The following ANO3 variants were observed in gnomAD, a reference collection of about 807,000 sequenced individuals.
The protein encoded by ANO3 is anoctamin 3.
Under a neutral mutation model 144.8 loss-of-function variants are expected in ANO3, and 99 were observed. That is an observed-to-expected ratio of 0.68 (90% confidence interval 0.58 to 0.81). ANO3 has a LOEUF of 0.81. Ranked by LOEUF, ANO3 falls within the 30% of genes least tolerant of loss-of-function variation. ANO3 has a pLI of 0.00. For synonymous variants in ANO3, 414 were observed against 392.6 expected, an observed-to-expected ratio of 1.05 and a Z score of -0.64; for missense variants, 905 against 1,202.2, an observed-to-expected ratio of 0.75 and a Z score of 3.66.
intron 14 of ANO3, among the ~76,000 whole-genome samples, chr11:26,588,961 G>T (rs1161055131): frequency 6.6e-6 from 1 of 152,094 alleles, no homozygotes; most frequent in Non-Finnish European, 1.5e-5. Flanking sequence ...ATAATTTTCG[G>T]CTGTTTTGCC....
At chr11:26,553,792 C>G (rs1462285531) in intron 13 of ANO3, among the ~76,000 whole-genome samples, 9 of 152,104 alleles carry the variant, frequency 5.9e-5, no homozygotes, top group Admixed American at 5.9e-4. Context: ...AAGCTCAGAT[C>G]AACCCCAGAA....
Position 26,531,257 on chromosome 11 carries a change from G to T in ANO3, c.790G>T (p.Val264Phe). The T allele has an allele frequency of 1.9e-6, 3 of 1,613,986 alleles. No individual in the cohort carries two copies. Among genetic ancestry groups the T allele is most frequent in the Non-Finnish European group, 2.5e-6 (3 of 1,179,968 alleles). The change falls in exon 8 of 27, where the codon GTT (valine) becomes TTT (phenylalanine). Residue 264 changes from valine to phenylalanine, a missense_variant. Val to Phe is a conservative substitution (Grantham distance 50, BLOSUM62 -1). Transcript: ENST00000256737. ...AAACTGGATGGCCCAAAACCCAATG[G>T]TTCTTGACAAGTCAGCTTTTCCAGA... ...IKNWMAQNPM[V>F]LDKSAFPDLE...
At chr11:26,473,295 T>C (rs887055238) in intron 4 of ANO3, among the ~76,000 whole-genome samples, 15 of 151,956 alleles carry the variant, frequency 9.9e-5, no homozygotes, top group African/African-American at 3.6e-4. Context: ...AATCCTCTGT[T>C]GCATCTCTTA....
chr11:26,365,292 T>C (rs1403657240), intron 1 of ANO3, among the ~76,000 whole-genome samples: 1 of 152,216 alleles, frequency 6.6e-6, no homozygotes, highest in East Asian at 1.9e-4. Flanking sequence ...CTCTCATAGG[T>C]TGTTGAGTGC....
intron 4 of ANO3, among the ~76,000 whole-genome samples, chr11:26,488,040 C>A (rs1426137265): frequency 6.6e-6 from 1 of 152,054 alleles, no homozygotes; most frequent in Non-Finnish European, 1.5e-5. Context: ...GTGGCACACA[C>A]CTGTAGTCCC....
chr11:26,422,688 T>C (rs1201031193), intron 1 of ANO3, among the ~76,000 whole-genome samples: 1 of 151,890 alleles, frequency 6.6e-6, no homozygotes, highest in Non-Finnish European at 1.5e-5. Context: ...CTGATACTAG[T>C]CAAGAATACC....
chr11:26,335,668 C>T (rs747702976), intron 1 of ANO3, among the ~76,000 whole-genome samples: 1 of 152,098 alleles, frequency 6.6e-6, no homozygotes, highest in East Asian at 1.9e-4. Flanking sequence ...GCTTTTGCTG[C>T]GTGTATGCCA....
Position 26,531,125 on chromosome 11 carries a change from A to T in ANO3, c.738-80A>T. 4.7e-6 allele frequency: 7 copies of T among 1,500,458 alleles called. No individual in the cohort carries two copies. In the Admixed American group the frequency reaches 1.1e-4, roughly 23 times the overall value. The allele number at this position is 1,500,458 out of a possible 1,614,324, so 92.9% of individuals were successfully genotyped here. On this transcript the variant is annotated intron_variant, in intron 7 of 26. Transcript: ENST00000256737. ...CTCTTTTCAAAGAAGTTTCTTTAGT[A>T]CTTAAGTGAATTGTAGTGGAAGGTA...
intron 1 of ANO3, among the ~76,000 whole-genome samples, chr11:26,239,052 TATTA>T (rs1412904816): frequency 2.0e-5 from 3 of 149,762 alleles, no homozygotes; most frequent in African/African-American, 4.9e-5. Flanking sequence ...TTAATATTTA[TATTA>T]ATTATAATTT....
intron 1 of ANO3, among the ~76,000 whole-genome samples, chr11:26,203,746 C>T (rs984280345): frequency 2.6e-5 from 4 of 152,130 alleles, no homozygotes; most frequent in African/African-American, 9.7e-5. Flanking sequence ...AATCTTGCAT[C>T]TACTGTTTGT....
intron 1 of ANO3, among the ~76,000 whole-genome samples, chr11:26,194,444 G>GTGTGTGTGTA (rs1554920713): frequency 4.6e-4 from 42 of 92,304 alleles, no homozygotes; most frequent in East Asian, 2.7e-3. Flanking sequence ...ATAGTGGTGT[G>GTGTGTGTGTA]TGTGTGTGTG....
At chr11:26,639,564 A>G (rs1351096330) in intron 21 of ANO3, among the ~76,000 whole-genome samples, 1 of 152,192 alleles carries the variant, frequency 6.6e-6, no homozygotes, top group East Asian at 1.9e-4. Flanking sequence ...TTGTATATAT[A>G]AAAATAATTT....
At chr11:26,635,231 G>A (rs1307196387) in intron 20 of ANO3, among the ~76,000 whole-genome samples, 161 bp downstream of exon 20, 3 of 152,064 alleles carry the variant, frequency 2.0e-5, no homozygotes, top group African/African-American at 7.2e-5. Flanking sequence ...TCAAAAAAGG[G>A]GGTGAACTGA....
chr11:26,346,184 T>C (rs921961725), intron 1 of ANO3, among the ~76,000 whole-genome samples: 3 of 152,192 alleles, frequency 2.0e-5, no homozygotes, highest in African/African-American at 7.2e-5. Context: ...ATGGAAAACA[T>C]GGGATAAAAT....
intron 1 of ANO3, among the ~76,000 whole-genome samples, chr11:26,314,583 T>TC (rs1410895378): frequency 6.6e-6 from 1 of 152,068 alleles, no homozygotes; most frequent in African/African-American, 2.4e-5. Flanking sequence ...CAGCCAACCT[T>TC]CCCCTCCTTC....
At chr11:26,450,294 T>G (rs1182271249) in intron 3 of ANO3, among the ~76,000 whole-genome samples, 1 of 152,140 alleles carries the variant, frequency 6.6e-6, no homozygotes, top group East Asian at 1.9e-4. Flanking sequence ...ACTAGCACAC[T>G]GACACAATGG....
At chr11:26,647,091 T>C (rs1214465832) in intron 23 of ANO3, among the ~76,000 whole-genome samples, 1 of 152,146 alleles carries the variant, frequency 6.6e-6, no homozygotes, top group Admixed American at 6.5e-5. Context: ...CTAAGTTTAA[T>C]CCCACTGAAA....
At chr11:26,340,574 C>A (rs1037656680) in intron 1 of ANO3, among the ~76,000 whole-genome samples, 2 of 152,026 alleles carry the variant, frequency 1.3e-5, no homozygotes, top group Non-Finnish European at 1.5e-5. Flanking sequence ...AAAGATGCAC[C>A]CTAGGAGAGT....
In ANO3 at chr11:26,530,214, T is replaced by C. The variant is rs551254264; in HGVS notation, c.738-991T>C. On this transcript the variant is annotated intron_variant, in intron 7 of 26. Coordinates refer to ENST00000256737, the MANE Select transcript of ANO3 (RefSeq NM_031418.4). ...AGCAAAGTCAGCATTACTTTTATTT[T>C]ATGTGTGAGGAAACCAAGGCAAGAA... 2.6e-5 allele frequency among the ~76,000 whole-genome samples: 4 copies of C among 152,298 alleles called. No homozygotes were observed. In the South Asian group the frequency reaches 8.3e-4, roughly 32 times the overall value.
Sources: gnomAD v4.1 joint callset for allele counts (sites outside exome capture counted in the v4.1 genomes callset) on GRCh38, gnomAD v4.1.1 for gene constraint, MANE v1.5 for transcripts, NCBI Gene and HGNC (gene_info 2026-07-23, HGNC 2026-07-21) for gene names.